The following NAT1 variants were observed in gnomAD, a reference collection of about 807,000 sequenced individuals.
NAT1 encodes arylamine N-acetyltransferase 1.
For synonymous variants in NAT1, 144 were observed against 122.6 expected (o/e 1.17, Z -1.16); for missense variants, 400 against 339.2 (o/e 1.18, Z -1.41).
intron 1 of NAT1, chr8:18,211,413 A>C (rs774518475): frequency 3.3e-5 from 5 of 152,264 alleles, no homozygotes; most frequent in Non-Finnish European, 7.3e-5. Context: ...TTGCTCTTGA[A>C]TGCTTGAAAC....
At chr8:18,206,458 A>G (rs1393710316), upstream of NAT1, among the ~76,000 whole-genome samples, 4 of 152,186 alleles carry the variant, frequency 2.6e-5, no homozygotes, top group African/African-American at 9.7e-5. Context: ...GGAAAAACTG[A>G]ATGCTATTCC....
At chr8:18,171,976 C>CA (rs1802113562) in intron 2 of NAT1, among the ~76,000 whole-genome samples, 1 of 152,170 alleles carries the variant, frequency 6.6e-6, no homozygotes, top group Non-Finnish European at 1.5e-5. Flanking sequence ...CATTCTAACT[C>CA]ACTGTCTTTC....
chr8:18,174,818 G>T (rs1258441827), intron 2 of NAT1, among the ~76,000 whole-genome samples: 1 of 151,996 alleles, frequency 6.6e-6, no homozygotes, highest in Non-Finnish European at 1.5e-5. Flanking sequence ...TACAGAAAAG[G>T]ATTGGCTCTA....
chr8:18,192,054 C>G (rs1803012893), intron 2 of NAT1, among the ~76,000 whole-genome samples: 2 of 150,740 alleles, frequency 1.3e-5, no homozygotes, highest in South Asian at 4.2e-4. Context: ...GAACAGGCAA[C>G]CTACAAAATG....
Position 18,223,111 on chromosome 8 carries a change from AAAT to A in NAT1, c.*212_*214del, listed in dbSNP as rs567144265. The stretch of plus-strand genomic sequence containing the variant: ...AAGAAACATAACCACAAACCTTTTC[AAAT>A]AATAATAATAATAATAATAAAAAAT... On this transcript the variant is annotated 3_prime_UTR_variant, in exon 3 of 3. Transcript: ENST00000307719. 377 of 225,706 alleles carry A rather than the reference AAAT, an allele frequency of 1.7e-3. 1 individual carries two copies. Among genetic ancestry groups the A allele is most frequent in the East Asian group, 0.011 (113 of 9,918 alleles). The allele number at this position is 225,706 out of a possible 1,614,324, so 14.0% of individuals were successfully genotyped here. A position where few individuals can be genotyped will look rare whatever the true frequency, so the allele number is the denominator to read the frequency against.
chr8:18,217,395 C>A (rs1804792053), intron 1 of NAT1, among the ~76,000 whole-genome samples: 1 of 152,212 alleles, frequency 6.6e-6, no homozygotes, highest in South Asian at 2.1e-4. Context: ...GCTTTGCGTC[C>A]CTTGCTGGCT....
rs1412660505 is a variant in NAT1 at position 18,222,957 on chromosome 8, A to G, written c.*37A>G. Reference sequence around the variant, plus strand: ...AAACAATCTTGTCTATTTGTCATCCAGCTCACCAGTTATCAACTGACGACC... The same window carrying G: ...AAACAATCTTGTCTATTTGTCATCCGGCTCACCAGTTATCAACTGACGACC... On this transcript the variant is annotated 3_prime_UTR_variant, in exon 3 of 3. Transcript: ENST00000307719. The G allele has an allele frequency of 6.7e-7, 1 of 1,501,600 alleles. No individual in the cohort carries two copies. The highest frequency in any genetic ancestry group is 1.5e-5 in the South Asian group (1 of 68,164). The allele number at this position is 1,501,600 out of a possible 1,614,324, so 93.0% of individuals were successfully genotyped here. A position where few individuals can be genotyped will look rare whatever the true frequency, so the allele number is the denominator to read the frequency against.
intron 2 of NAT1, among the ~76,000 whole-genome samples, chr8:18,221,254 C>A (rs930953121): frequency 1.3e-5 from 2 of 151,086 alleles, no homozygotes; most frequent in African/African-American, 4.9e-5. Context: ...TCACGCATAT[C>A]CTTAGGCCTT....
At chr8:18,212,930 A>C (rs1469603785) in intron 1 of NAT1, among the ~76,000 whole-genome samples, 1 of 149,842 alleles carries the variant, frequency 6.7e-6, no homozygotes, top group African/African-American at 2.5e-5. Context: ...TTTCAGACAG[A>C]GTCTCACTCT....
chr8:18,190,368 G>C (rs1802931317), intron 2 of NAT1, among the ~76,000 whole-genome samples: 1 of 152,226 alleles, frequency 6.6e-6, no homozygotes, highest in Non-Finnish European at 1.5e-5. Flanking sequence ...ATGAAGTCCT[G>C]GGCAGCTTTG....
rs777799000 is a variant in NAT1, at chr8:18,222,456, T to C, written c.409T>C (p.Leu137=). 2 of 1,613,830 alleles carry C rather than the reference T, an allele frequency of 1.2e-6. No individual in the cohort carries two copies. The highest frequency in any genetic ancestry group is 4.5e-5 in the East Asian group (2 of 44,864). ...ATACCAGATGTGGCAGCCTCTGGAG[T>C]TAATTTCTGGGAAGGATCAGCCTCA... ...RSYQMWQPLE[L]ISGKDQPQVP... Residue 137 remains leucine, a synonymous_variant, in exon 3 of 3, where the codon TTA becomes CTA. Transcript: ENST00000307719.
intron 2 of NAT1, among the ~76,000 whole-genome samples, chr8:18,203,294 A>G (rs1385246540): frequency 2.0e-5 from 3 of 152,222 alleles, no homozygotes; most frequent in Non-Finnish European, 4.4e-5. Flanking sequence ...GATGCCTTTT[A>G]TGTCATGTGT....
Position 18,222,554 on chromosome 8 carries a change from C to A in NAT1, c.507C>A (p.Tyr169Ter). ...TAGACCAAATCAGAAGGGAACAGTA[C>A]ATTCCAAATGAAGAATTTCTTCATT... is the stretch of plus-strand genomic sequence containing the variant. ...WYLDQIRREQ[Y>*]IPNEEFLHSD... The change falls in exon 3 of 3, where the codon TAC (tyrosine) becomes TAA (stop). Residue 169 changes from tyrosine to a stop codon, truncating the protein, a stop_gained. Transcript: ENST00000307719. LOFTEE classifies it low-confidence loss of function (END_TRUNC). 2 of 1,614,120 alleles carry A rather than the reference C, an allele frequency of 1.2e-6. No homozygotes were observed. The highest frequency in any genetic ancestry group is 2.2e-5 in the South Asian group (2 of 91,076).
At chr8:18,181,891 G>T (rs542051436) in intron 2 of NAT1, among the ~76,000 whole-genome samples, 3 of 152,264 alleles carry the variant, frequency 2.0e-5, no homozygotes, top group African/African-American at 7.2e-5. Context: ...TCTGTCCCAG[G>T]GAAGGTCTAA....
chr8:18,174,629 C>T (rs910852218), intron 2 of NAT1, among the ~76,000 whole-genome samples: 1 of 151,966 alleles, frequency 6.6e-6, no homozygotes, highest in African/African-American at 2.4e-5. Flanking sequence ...CTGGAGAACC[C>T]AGCTTTAGAG....
intron 2 of NAT1, among the ~76,000 whole-genome samples, chr8:18,196,108 T>C (rs1401565540): frequency 2.0e-5 from 3 of 151,988 alleles, no homozygotes; most frequent in Admixed American, 6.6e-5. Flanking sequence ...TTACACTTTA[T>C]ACAACTTTTA....
At chr8:18,201,936 C>T (rs945720927) in intron 2 of NAT1, among the ~76,000 whole-genome samples, 2 of 152,190 alleles carry the variant, frequency 1.3e-5, no homozygotes, top group African/African-American at 4.8e-5. Context: ...AATAAACAAG[C>T]TAAGTGGAAA....
At chr8:18,186,183 T>C (rs1293817094) in intron 2 of NAT1, among the ~76,000 whole-genome samples, 1 of 152,224 alleles carries the variant, frequency 6.6e-6, no homozygotes, top group Non-Finnish European at 1.5e-5. Context: ...GCTTTGATTT[T>C]ATTAGCTAGT....
At position 18,198,841 on chromosome 8, in the gene NAT1, G is replaced by A. The variant is rs1803343220; in HGVS notation, n.93-10940G>A. Among the ~76,000 whole-genome samples, 3 of 152,172 alleles carry A rather than the reference G, an allele frequency of 2.0e-5. No individual in the cohort carries two copies. In the South Asian group the frequency reaches 6.2e-4, roughly 31 times the overall value. ...CTTTTTGGTGATGGAAGCTCAGCTTGCAGCAGATGTGAAAGTAAAACAACT... is the reference window on the plus strand; with the variant it reads ...CTTTTTGGTGATGGAAGCTCAGCTTACAGCAGATGTGAAAGTAAAACAACT... On this transcript the variant is annotated intron_variant and non_coding_transcript_variant, in intron 2 of 4. Transcript: ENST00000517441.
Sources: gnomAD v4.1 joint callset for allele counts (sites outside exome capture counted in the v4.1 genomes callset) on GRCh38, gnomAD v4.1.1 for gene constraint, MANE v1.5 for transcripts, NCBI Gene and HGNC (gene_info 2026-07-23, HGNC 2026-07-21) for gene names.